The following FBXO21 variants were observed in gnomAD, a reference collection of about 807,000 sequenced individuals.
FBXO21 encodes F-box only protein 21.
FBXO21 carries 32 observed loss-of-function variants against 76.6 expected under a neutral mutation model. That is an observed-to-expected ratio of 0.42 (90% CI 0.32 to 0.56). The LOEUF (loss-of-function observed/expected upper bound fraction) is 0.56, where lower values mean the gene tolerates loss of function less well. Ranked by LOEUF, FBXO21 falls within the 20% of genes least tolerant of loss-of-function variation. The probability of loss-of-function intolerance (pLI) is 0.16; values close to 1 mark genes in which losing one functional copy is unlikely to be tolerated. For missense variants in FBXO21, 586 were observed against 797.3 expected (o/e 0.73, Z 3.19); for synonymous variants, 328 against 311.5 (o/e 1.05, Z -0.56).
At chr12:117,152,967 G>A (rs1565995644) in intron 11 of FBXO21, among the ~76,000 whole-genome samples, 2 of 152,088 alleles carry the variant, frequency 1.3e-5, no homozygotes. Flanking sequence ...GAAGTGGGCT[G>A]GAGTATGTCA....
intron 10 of FBXO21, 133 bp downstream of exon 10, chr12:117,157,740 C>A (rs937451706): frequency 3.7e-4 from 233 of 635,622 alleles, no homozygotes; most frequent in South Asian, 1.2e-4. Context: ...GTCTTCCCCG[C>A]GGTGCGCACT....
At chr12:117,148,788 A>G (rs1955807376) in intron 11 of FBXO21, among the ~76,000 whole-genome samples, 1 of 152,178 alleles carries the variant, frequency 6.6e-6, no homozygotes, top group Non-Finnish European at 1.5e-5. Context: ...GTAGACTCAG[A>G]GAACACCGCT....
intron 11 of FBXO21, among the ~76,000 whole-genome samples, chr12:117,148,803 C>G (rs575203714): frequency 5.9e-5 from 9 of 152,282 alleles, no homozygotes; most frequent in South Asian, 2.1e-4. Context: ...ACCGCTGCCC[C>G]CAAAGGGACG....
At chr12:117,166,339 C>A (rs1956053730) in intron 8 of FBXO21, among the ~76,000 whole-genome samples, 1 of 152,024 alleles carries the variant, frequency 6.6e-6, no homozygotes, top group Admixed American at 6.6e-5. Flanking sequence ...CAAGAGTGAA[C>A]CCTCAGTGAT....
intron 4 of FBXO21, among the ~76,000 whole-genome samples, chr12:117,175,098 G>A (rs916433391): frequency 6.6e-6 from 1 of 152,084 alleles, no homozygotes; most frequent in Non-Finnish European, 1.5e-5. Flanking sequence ...AGAAGTAAAT[G>A]ACATCAAGGA....
At position 117,152,408 on chromosome 12, in the gene FBXO21, GT is replaced by G. The variant is rs982960169; in HGVS notation, c.1675+3382del. Among the ~76,000 whole-genome samples, 4 of 151,650 alleles carry G rather than the reference GT, an allele frequency of 2.6e-5. 1 individual carries two copies. Among genetic ancestry groups the G allele is most frequent in the Middle Eastern group, 6.8e-3 (2 of 294 alleles). On this transcript the variant is annotated intron_variant, in intron 11 of 11. Transcript: ENST00000622495. ...TTGAGCCCAGGAGGTTGAGGCTGCA[GT>G]GACTCATGTTTGTACCACTGCACTC...
rs1026364717 is a variant in FBXO21, at chr12:117,155,674, C to T, written c.1675+117G>A. On this transcript the variant is annotated intron_variant, in intron 11 of 11. Transcript: ENST00000622495. ...GGCCCGAAGGAGGCCGGCCATGGGG[C>T]GTCGGCCGCCTCTGAAGGAACCGAT... 4.3e-6 allele frequency: 5 copies of T among 1,164,682 alleles called. No individual in the cohort carries two copies. In the African/African-American group the frequency reaches 4.6e-5, roughly 11 times the overall value. The allele number at this position is 1,164,682 out of a possible 1,614,324, so 72.1% of individuals were successfully genotyped here. A position where few individuals can be genotyped will look rare whatever the true frequency, so the allele number is the denominator to read the frequency against.
chr12:117,171,832 C>T (rs1225957340), intron 7 of FBXO21, among the ~76,000 whole-genome samples: 8 of 152,192 alleles, frequency 5.3e-5, no homozygotes, highest in Non-Finnish European at 1.2e-4. Flanking sequence ...ACCTGTTGAA[C>T]TATTTCTTTC....
intron 2 of FBXO21, 146 bp from the exon 3 acceptor site, chr12:117,186,717 G>A: frequency 1.8e-6 from 1 of 557,894 alleles, no homozygotes. Flanking sequence ...CCAGTCATGG[G>A]TAGAAAATAA....
intron 4 of FBXO21, among the ~76,000 whole-genome samples, chr12:117,176,748 T>C (rs1050686932): frequency 6.6e-5 from 10 of 151,564 alleles, no homozygotes; most frequent in African/African-American, 1.5e-4. Flanking sequence ...ATAGGTGACA[T>C]AGCAAGACCC....
In FBXO21 at chr12:117,174,695, A is replaced by T. The variant is rs1956156078; in HGVS notation, c.695T>A (p.Leu232His). The change falls in exon 5 of 12, where the codon CTT becomes CAT. Residue 232 changes from leucine (L) to histidine (H), a missense_variant. This residue lies in a region of FBXO21 where 246 missense variants were observed against 356.8 expected (regional missense o/e 0.69). Transcript: ENST00000622495. ...GGGGTGGCGACTGTTTATGCCCCGA[A>T]GGGTTTTGCAAACAAGCTCCACGAT... ...DSIVELVCKT[L>H]RGINSRHPSL... The T allele has an allele frequency of 6.2e-7, 1 of 1,614,194 alleles. No homozygotes were observed. The highest frequency in any genetic ancestry group is 8.5e-7 in the Non-Finnish European group (1 of 1,180,028).
At chr12:117,167,791 G>C (rs558662569) in intron 7 of FBXO21, among the ~76,000 whole-genome samples, 5 of 151,682 alleles carry the variant, frequency 3.3e-5, no homozygotes, top group African/African-American at 1.2e-4. Context: ...AGAAGGATTC[G>C]GCCATCAGTT....
chr12:117,146,038 C>G lies in FBXO21; in HGVS notation c.*49G>C, dbSNP rs778098926. The G allele has an allele frequency of 6.8e-7, 1 of 1,467,744 alleles. No homozygotes were observed. Among genetic ancestry groups the G allele is most frequent in the Non-Finnish European group, 9.1e-7 (1 of 1,093,418 alleles). 90.9% of individuals were successfully genotyped at this position (1,467,744 alleles called of 1,614,324 possible). ...AGACGTCTTCTTCCGGAGTCCCGTT[C>G]TCTTGGAAGATAGCAGCAGCAGCAA... On this transcript the variant is annotated 3_prime_UTR_variant, in exon 12 of 12. Transcript: ENST00000622495.
In FBXO21 at chr12:117,172,560, A is replaced by G; in HGVS notation, c.924T>C (p.Tyr308=). The G allele has an allele frequency of 1.2e-6, 2 of 1,614,198 alleles. No homozygotes were observed. Among genetic ancestry groups the G allele is most frequent in the South Asian group, 2.2e-5 (2 of 91,084 alleles). Residue 308 remains tyrosine (Y), a synonymous_variant, in exon 7 of 12, where the codon TAT becomes TAC. Transcript: ENST00000622495. ...CTCCCAACTGCCGAGCAATTGTCAA[A>G]TAGAGCAGAGACATGCTGATTGGGA... The part of the protein sequence containing the change: ...TGIPISMSLL[Y]LTIARQLGVP...
At chr12:117,156,657 T>G (rs948099125) in intron 10 of FBXO21, among the ~76,000 whole-genome samples, 1 of 152,164 alleles carries the variant, frequency 6.6e-6, no homozygotes, top group Middle Eastern at 3.2e-3. Context: ...TCACCCCGTA[T>G]GGCAGCTGTT....
At position 117,186,498 on chromosome 12, in the gene FBXO21, C is replaced by T; in HGVS notation, c.449G>A (p.Cys150Tyr). Reference protein sequence around the residue: ...PEIFFEDELVCILNMEGRKAL... With the variant: ...PEIFFEDELVYILNMEGRKAL... ...TTACCTTCCTTCCATATTTAGGATA[C>T]ACACCAGTTCATCCTCAAAAAAAAT... The change falls in exon 3 of 12, where the codon TGT (cysteine) becomes TAT (tyrosine). Residue 150 changes from cysteine to tyrosine, a missense_variant. Cys to Tyr is a radical substitution (Grantham distance 194). Around this residue, in one of 6 missense-constraint regions of FBXO21, gnomAD observed 246 missense variants for 356.8 expected, o/e 0.69. Transcript: ENST00000622495. The T allele has an allele frequency of 6.2e-7, 1 of 1,611,154 alleles. No individual in the cohort carries two copies. The highest frequency in any genetic ancestry group is 8.5e-7 in the Non-Finnish European group (1 of 1,177,800).
At chr12:117,167,911 T>A (rs12303083) in intron 7 of FBXO21, among the ~76,000 whole-genome samples, 29,931 of 152,000 alleles carry the variant, frequency 0.2, 3,311 homozygotes, top group East Asian at 0.41. Context: ...ATCACACAGC[T>A]CTTCTTGCAG....
intron 9 of FBXO21, among the ~76,000 whole-genome samples, chr12:117,162,624 T>C (rs1955994898): frequency 6.6e-6 from 1 of 152,206 alleles, no homozygotes; most frequent in East Asian, 1.9e-4. Flanking sequence ...CTGATGTTTC[T>C]TAGCTCTTCC....
intron 8 of FBXO21, 27 bp downstream of exon 8, chr12:117,166,871 A>G: frequency 6.2e-7 from 1 of 1,604,264 alleles, no homozygotes; most frequent in African/African-American, 1.3e-5. Flanking sequence ...GCTCTGCAGA[A>G]GTACTAGAAA....
Sources: allele counts gnomAD v4.1 joint callset (sites outside exome capture counted in the v4.1 genomes callset), GRCh38; gene constraint gnomAD v4.1.1; regional missense constraint gnomAD v4.1.1; transcripts MANE v1.5; gene names NCBI Gene and HGNC (gene_info 2026-07-23, HGNC 2026-07-21).